KALRN: variants seen among roughly 807,000 people sequenced by gnomAD.
The protein encoded by KALRN is kalirin RhoGEF kinase.
A neutral mutation model predicts 353.7 loss-of-function variants in KALRN; 70 were observed. That is an observed-to-expected ratio of 0.20 (90% CI 0.16 to 0.24). The LOEUF (loss-of-function observed/expected upper bound fraction) is 0.24. Ranked by LOEUF, KALRN falls within the 10% of genes least tolerant of loss-of-function variation. The pLI, the probability that KALRN is intolerant of heterozygous loss-of-function variation, is 1.00. For synonymous variants in KALRN, 1,391 were observed against 1,434.8 expected, an observed-to-expected ratio of 0.97 and a Z score of 0.69; for missense variants, 2,791 against 3,756.7, an observed-to-expected ratio of 0.74 and a Z score of 6.72.
chr3:124,114,028 G>A (rs774340854), intron 1 of KALRN, among the ~76,000 whole-genome samples: 5 of 152,114 alleles, frequency 3.3e-5, no homozygotes, highest in Non-Finnish European at 7.3e-5. Flanking sequence ...GGCCCTGGGT[G>A]GAAATATTTT....
At chr3:124,652,670 G>A (rs553664688) in intron 38 of KALRN, among the ~76,000 whole-genome samples, 12 of 152,156 alleles carry the variant, frequency 7.9e-5, no homozygotes, top group African/African-American at 2.2e-4. Flanking sequence ...TCCGCCTCCC[G>A]GGTTCACACC....
chr3:124,678,038 C>T, intron 49 of KALRN, 152 bp from the exon 50 acceptor site: 1 of 752,526 alleles, frequency 1.3e-6, no homozygotes, highest in Non-Finnish European at 2.2e-6. Context: ...AGCCGCCAGC[C>T]ACCCTTGGAG....
intron 1 of KALRN, chr3:124,094,917 T>G: frequency 6.2e-7 from 1 of 1,611,118 alleles, no homozygotes. Context: ...ATCCTGAGTG[T>G]GTGTATGCTT....
intron 9 of KALRN, among the ~76,000 whole-genome samples, chr3:124,335,412 A>C (rs1038640445): frequency 6.6e-6 from 1 of 152,106 alleles, no homozygotes; most frequent in Non-Finnish European, 1.5e-5. Flanking sequence ...TTTACCACTA[A>C]TAATAAAGAA....
intron 45 of KALRN, among the ~76,000 whole-genome samples, chr3:124,666,053 G>A (rs765914646): frequency 3.3e-5 from 5 of 152,126 alleles, no homozygotes; most frequent in African/African-American, 7.2e-5. Flanking sequence ...GGCAGGCACC[G>A]TTCTCAGAGC....
chr3:124,610,451 G>C (rs1210355195), intron 34 of KALRN, among the ~76,000 whole-genome samples: 1 of 152,142 alleles, frequency 6.6e-6, no homozygotes. Flanking sequence ...AGTAATTGTA[G>C]AGGGCTCTGG....
At chr3:124,699,359 C>G (rs1480866817) in intron 55 of KALRN, among the ~76,000 whole-genome samples, 2 of 152,196 alleles carry the variant, frequency 1.3e-5, no homozygotes, top group African/African-American at 2.4e-5. Flanking sequence ...CTCTACCTCA[C>G]TGGGTTTCTG....
At chr3:124,363,769 T>G (rs1381259048) in intron 10 of KALRN, among the ~76,000 whole-genome samples, 1 of 152,232 alleles carries the variant, frequency 6.6e-6, no homozygotes, top group Non-Finnish European at 1.5e-5. Flanking sequence ...TGTAGCAGGA[T>G]TAGCCAGGAA....
chr3:124,501,939 T>A (rs1209824301), intron 33 of KALRN, among the ~76,000 whole-genome samples: 2 of 152,190 alleles, frequency 1.3e-5, no homozygotes, highest in African/African-American at 4.8e-5. Context: ...TTCTGTAAAT[T>A]GCGTCAGAGA....
At chr3:124,369,021 G>T (rs927275280) in intron 10 of KALRN, among the ~76,000 whole-genome samples, 1 of 151,842 alleles carries the variant, frequency 6.6e-6, no homozygotes, top group Non-Finnish European at 1.5e-5. Context: ...CTTCGGCTCC[G>T]CATGAGAGGG....
At chr3:124,389,076 C>T (rs1019900166) in intron 11 of KALRN, among the ~76,000 whole-genome samples, 3 of 152,146 alleles carry the variant, frequency 2.0e-5, no homozygotes, top group East Asian at 1.9e-4. Flanking sequence ...AAGTGGCCTT[C>T]GGTACTGCTG....
chr3:124,655,814 G>C, intron 39 of KALRN, 147 bp downstream of exon 39: 2 of 632,472 alleles, frequency 3.2e-6, no homozygotes, highest in African/African-American at 1.8e-5. Flanking sequence ...GTAATAAGTA[G>C]AATATGTAGG....
intron 3 of KALRN, among the ~76,000 whole-genome samples, chr3:124,260,087 A>G (rs1412534883): frequency 2.6e-5 from 4 of 152,132 alleles, no homozygotes; most frequent in African/African-American, 9.7e-5. Flanking sequence ...TGAAGCCTGC[A>G]TCCACTCCAG....
chr3:124,662,591 T>C lies in KALRN; in HGVS notation c.6345+663T>C, dbSNP rs540651716. Among the ~76,000 whole-genome samples the C allele has an allele frequency of 1.6e-3, 242 of 152,230 alleles. 3 individuals are homozygous for C. Among genetic ancestry groups the C allele is most frequent in the African/African-American group, 5.8e-3 (241 of 41,506 alleles). On this transcript the variant is annotated intron_variant, in intron 45 of 59. Transcript: ENST00000682506. ...TTTTTGAGAAGGTGGTTCTGGCTTT[T>C]CAGTTAAATGAATAGTTAAAACTCT...
rs140406845 is a variant in KALRN at position 124,677,034 on chromosome 3, A to G, written c.7194-1156A>G. 2.0e-5 allele frequency among the ~76,000 whole-genome samples: 3 copies of G among 152,330 alleles called. No individual in the cohort carries two copies. The East Asian group carries it at 5.8e-4, about 29-fold the overall frequency. ...AATATTTTTGGAACACCTTCCTCAAAGTACCCTTAAAATCCTGATGTATGT... is the reference window on the plus strand; with the variant it reads ...AATATTTTTGGAACACCTTCCTCAAGGTACCCTTAAAATCCTGATGTATGT... On this transcript the variant is annotated intron_variant, in intron 49 of 59. Transcript: ENST00000682506.
intron 13 of KALRN, among the ~76,000 whole-genome samples, chr3:124,411,039 C>T (rs13084732): frequency 2.0e-5 from 3 of 152,290 alleles, no homozygotes; most frequent in African/African-American, 2.4e-5. Flanking sequence ...ACTAAACATA[C>T]ACACAGCAGC....
At chr3:124,615,737 G>A (rs770551359) in intron 34 of KALRN, among the ~76,000 whole-genome samples, 14 of 152,168 alleles carry the variant, frequency 9.2e-5, no homozygotes, top group Admixed American at 4.6e-4. Flanking sequence ...TTTCCTAGCC[G>A]TGTGTATCTT....
At chr3:124,525,246 G>T (rs929703048) in intron 33 of KALRN, among the ~76,000 whole-genome samples, 4 of 152,218 alleles carry the variant, frequency 2.6e-5, no homozygotes, top group African/African-American at 9.6e-5. Flanking sequence ...AGAAATAGCA[G>T]TGATGGGAGA....
At chr3:124,389,579 C>T (rs1005878878) in intron 11 of KALRN, among the ~76,000 whole-genome samples, 1 of 152,174 alleles carries the variant, frequency 6.6e-6, no homozygotes, top group African/African-American at 2.4e-5. Context: ...TAGAGACCAT[C>T]TAAATGTTTC....
Sources: gnomAD v4.1 joint callset for allele counts (sites outside exome capture counted in the v4.1 genomes callset) on GRCh38, gnomAD v4.1.1 for gene constraint, MANE v1.5 for transcripts, NCBI Gene and HGNC (gene_info 2026-07-23, HGNC 2026-07-21) for gene names.